The following TMEM131 variants were observed in gnomAD, a reference collection of about 807,000 sequenced individuals.
The protein encoded by TMEM131 is transmembrane protein 131.
Under a neutral mutation model 211.6 loss-of-function variants are expected in TMEM131, and 66 were observed. That is an observed-to-expected ratio of 0.31 (90% CI 0.26 to 0.38). The LOEUF is 0.38. Ranked by LOEUF, TMEM131 falls within the 10% of genes least tolerant of loss-of-function variation. TMEM131 has a pLI of 1.00. For synonymous variants in TMEM131, 844 were observed against 841.3 expected (o/e 1.00, Z -0.06); for missense variants, 2,036 against 2,299.3 (o/e 0.89, Z 2.34).
At chr2:97,971,285 G>A (rs1679282626) in intron 1 of TMEM131, among the ~76,000 whole-genome samples, 1 of 152,218 alleles carries the variant, frequency 6.6e-6, no homozygotes, top group East Asian at 1.9e-4. Context: ...CTGAAGTCCT[G>A]ACAGGAAAAT....
intron 11 of TMEM131, among the ~76,000 whole-genome samples, chr2:97,821,308 CT>C (rs1329429271): frequency 6.6e-6 from 1 of 152,154 alleles, no homozygotes; most frequent in African/African-American, 2.4e-5. Context: ...AGCTAAAGGA[CT>C]GTAAATGCAT....
intron 1 of TMEM131, among the ~76,000 whole-genome samples, chr2:97,975,495 A>T (rs896051682): frequency 1.3e-5 from 2 of 152,174 alleles, no homozygotes; most frequent in Non-Finnish European, 2.9e-5. Flanking sequence ...CATTATGAAC[A>T]ACTTTGCCAA....
At chr2:97,894,766 T>C (rs551790994) in intron 3 of TMEM131, among the ~76,000 whole-genome samples, 2 of 152,344 alleles carry the variant, frequency 1.3e-5, no homozygotes, top group South Asian at 2.1e-4. Flanking sequence ...TAAGGATATT[T>C]TGAGCTGAGA....
chr2:97,760,692 G>A lies in TMEM131; in HGVS notation c.5012-3C>T, dbSNP rs1383722651. On this transcript the variant is annotated splice_polypyrimidine_tract_variant and splice_region_variant and intron_variant, in intron 37 of 40. Transcript: ENST00000186436. ...AACTTTAGCAAAGCCATTCCCACCT[G>A]TAACAATGGACGTTCAATCAATGGA... The A allele has an allele frequency of 1.2e-6, 2 of 1,613,858 alleles. No individual in the cohort carries two copies. The highest frequency in any genetic ancestry group is 1.7e-6 in the Non-Finnish European group (2 of 1,179,890).
At chr2:97,992,493 T>C (rs891526270) in intron 1 of TMEM131, among the ~76,000 whole-genome samples, 2 of 152,182 alleles carry the variant, frequency 1.3e-5, no homozygotes, top group African/African-American at 4.8e-5. Flanking sequence ...GACAATGAAA[T>C]TTAAATTGTC....
rs11378393 is a variant in TMEM131 at position 97,831,664 on chromosome 2, CTTTTTTTTT to C, written c.1074+1692_1074+1700del. Among the ~76,000 whole-genome samples, 7 of 80,628 alleles carry C rather than the reference CTTTTTTTTT, an allele frequency of 8.7e-5. No individual in the cohort carries two copies. The South Asian group carries it at 1.5e-3, about 18-fold the overall frequency. The allele number at this position is 80,628 out of a possible 152,430, so 52.9% of individuals were successfully genotyped here. A position where few individuals can be genotyped will look rare whatever the true frequency, so the allele number is the denominator to read the frequency against. On this transcript the variant is annotated intron_variant, in intron 11 of 40. Coordinates refer to ENST00000186436, the MANE Select transcript of TMEM131 (RefSeq NM_015348.2). ...ATATACTTTCATGTTTCACATACCT[CTTTTTTTTT>C]TTTTTTTTTTTTTTTTGAGACAGTC...
At chr2:97,837,450 T>C (rs1682989808) in intron 7 of TMEM131, among the ~76,000 whole-genome samples, 1 of 152,208 alleles carries the variant, frequency 6.6e-6, no homozygotes, top group East Asian at 1.9e-4. Context: ...ATTTTTCTTT[T>C]TTCCAAAGGG....
intron 33 of TMEM131, among the ~76,000 whole-genome samples, chr2:97,769,250 G>A (rs1014879133): frequency 4.6e-5 from 7 of 152,162 alleles, no homozygotes; most frequent in Non-Finnish European, 1.0e-4. Context: ...ACCTCCCAAA[G>A]TGCTGGGATT....
chr2:97,971,402 GA>G (rs1050379959), intron 1 of TMEM131, among the ~76,000 whole-genome samples: 9 of 151,850 alleles, frequency 5.9e-5, no homozygotes, highest in African/African-American at 9.7e-5. Context: ...AATTTTAAAA[GA>G]AAAAAAATAC....
At position 97,772,160 on chromosome 2, in the gene TMEM131, T is replaced by C. The variant is rs940155483; in HGVS notation, c.4448+137A>G. The C allele has an allele frequency of 4.2e-5, 40 of 956,816 alleles. No homozygotes were observed. In the African/African-American group the frequency reaches 6.5e-4, roughly 15 times the overall value. The allele number at this position is 956,816 out of a possible 1,614,324, so 59.3% of individuals were successfully genotyped here. On this transcript the variant is annotated intron_variant, in intron 33 of 40. Coordinates refer to ENST00000186436, the MANE Select transcript of TMEM131 (RefSeq NM_015348.2). ...TGACAGAAAAATCCCAAGAGGAATG[T>C]GACGTAGCACCTGGATTTTGCTATC...
At chr2:97,935,930 C>A (rs1677423711) in intron 1 of TMEM131, among the ~76,000 whole-genome samples, 1 of 152,186 alleles carries the variant, frequency 6.6e-6, no homozygotes, top group Non-Finnish European at 1.5e-5. Flanking sequence ...TGTGACAGCA[C>A]TATAACCAAC....
At chr2:97,811,367 C>A in intron 17 of TMEM131, 135 bp from the exon 18 acceptor site, 1 of 676,262 alleles carries the variant, frequency 1.5e-6, no homozygotes, top group South Asian at 1.6e-5. Flanking sequence ...ATTACCATAT[C>A]ACTGTGTACA....
intron 4 of TMEM131, among the ~76,000 whole-genome samples, chr2:97,886,771 G>C (rs1425640728): frequency 1.3e-5 from 2 of 152,192 alleles, no homozygotes; most frequent in African/African-American, 4.8e-5. Flanking sequence ...GGATGGTGTG[G>C]GTGTATGCCT....
chr2:97,937,006 C>A (rs1677475825), intron 1 of TMEM131, among the ~76,000 whole-genome samples: 1 of 152,092 alleles, frequency 6.6e-6, no homozygotes, highest in Non-Finnish European at 1.5e-5. Flanking sequence ...ATGAGCCCCT[C>A]CCACTGCCCA....
chr2:97,874,421 G>A lies in TMEM131; in HGVS notation c.359+13631C>T, dbSNP rs996741531. 8.5e-5 allele frequency among the ~76,000 whole-genome samples: 13 copies of A among 152,228 alleles called. No individual in the cohort carries two copies. The East Asian group carries it at 1.7e-3, about 20-fold the overall frequency. On this transcript the variant is annotated intron_variant, in intron 4 of 40. Coordinates refer to ENST00000186436, the MANE Select transcript of TMEM131 (RefSeq NM_015348.2). ...AAGAGCAACCCTAAGACACATAATC[G>A]TCAGATTCACCAAGGTTGAAATGAA... is the stretch of plus-strand genomic sequence containing the variant.
At chr2:97,873,059 G>A (rs1015974760) in intron 4 of TMEM131, among the ~76,000 whole-genome samples, 1 of 152,224 alleles carries the variant, frequency 6.6e-6, no homozygotes, top group Non-Finnish European at 1.5e-5. Context: ...AGCTTGGTGG[G>A]GGGAGGGGCG....
At chr2:97,937,148 G>A (rs1677483069) in intron 1 of TMEM131, among the ~76,000 whole-genome samples, 2 of 151,870 alleles carry the variant, frequency 1.3e-5, no homozygotes, top group Non-Finnish European at 2.9e-5. Flanking sequence ...ATGTTCAAAG[G>A]AAAAAAGGAA....
At chr2:97,955,331 A>G (rs1468914062) in intron 1 of TMEM131, among the ~76,000 whole-genome samples, 6 of 152,208 alleles carry the variant, frequency 3.9e-5, no homozygotes. Flanking sequence ...CCTTTACTTG[A>G]CAAAGAGCAT....
chr2:97,847,241 T>C (rs1034554289), intron 5 of TMEM131, among the ~76,000 whole-genome samples: 2 of 152,146 alleles, frequency 1.3e-5, no homozygotes, highest in African/African-American at 4.8e-5. Flanking sequence ...TACACATTAG[T>C]ACAGAAGAAA....
Sources: gnomAD v4.1 joint callset for allele counts (sites outside exome capture counted in the v4.1 genomes callset) on GRCh38, gnomAD v4.1.1 for gene constraint, MANE v1.5 for transcripts, NCBI Gene and HGNC (gene_info 2026-07-23, HGNC 2026-07-21) for gene names.